MDGA1: variants seen among roughly 807,000 people sequenced by gnomAD.
MDGA1 encodes the protein MAM domain-containing glycosylphosphatidylinositol anchor protein 1.
A neutral mutation model predicts 101.5 loss-of-function variants in MDGA1; 54 were observed. That is an observed-to-expected ratio of 0.53 (90% confidence interval 0.43 to 0.67). The LOEUF is 0.67. MDGA1 is among the 30% of genes least tolerant of loss of function. The probability of loss-of-function intolerance (pLI) is 0.00; values close to 1 mark genes in which losing one functional copy is unlikely to be tolerated. For synonymous variants in MDGA1, 533 were observed against 558.3 expected, an observed-to-expected ratio of 0.95 and a Z score of 0.64; for missense variants, 1,083 against 1,323.8, an observed-to-expected ratio of 0.82 and a Z score of 2.82.
chr6:37,651,618 TAC>T (rs753554223), intron 7 of MDGA1, among the ~76,000 whole-genome samples: 1 of 151,250 alleles, frequency 6.6e-6, no homozygotes, highest in Admixed American at 6.6e-5. Flanking sequence ...GCTCTAGTTC[TAC>T]TAAGACATTC....
intron 1 of MDGA1, among the ~76,000 whole-genome samples, chr6:37,687,861 A>C (rs1762228677): frequency 6.6e-6 from 1 of 152,176 alleles, no homozygotes; most frequent in Non-Finnish European, 1.5e-5. Flanking sequence ...AAAATCAAAG[A>C]AAACTGTGTT....
intron 1 of MDGA1, among the ~76,000 whole-genome samples, chr6:37,688,360 A>G (rs919722988): frequency 3.9e-5 from 6 of 152,132 alleles, no homozygotes; most frequent in Admixed American, 3.9e-4. Flanking sequence ...GCTGAGAACC[A>G]CTTTTCTACA....
intron 1 of MDGA1, among the ~76,000 whole-genome samples, chr6:37,688,906 C>T (rs1007323109): frequency 6.6e-5 from 10 of 152,328 alleles, no homozygotes; most frequent in Admixed American, 3.3e-4. Context: ...TACTTGAAGC[C>T]CTCATTTTGC....
intron 1 of MDGA1, among the ~76,000 whole-genome samples, chr6:37,680,777 G>C (rs890471098): frequency 1.3e-5 from 2 of 152,260 alleles, no homozygotes; most frequent in African/African-American, 4.8e-5. Flanking sequence ...TGGGGCCACT[G>C]TCTCCATGCA....
chr6:37,688,717 C>T (rs1762248989), intron 1 of MDGA1, among the ~76,000 whole-genome samples: 1 of 152,238 alleles, frequency 6.6e-6, no homozygotes. Flanking sequence ...CCCCATAGTT[C>T]ACCTTCGAGT....
chr6:37,657,443 C>T (rs1351347701), intron 3 of MDGA1, among the ~76,000 whole-genome samples: 1 of 152,202 alleles, frequency 6.6e-6, no homozygotes, highest in Non-Finnish European at 1.5e-5. Context: ...CCAGGCTATG[C>T]CTGCCAGCCT....
At chr6:37,672,159 A>AT (rs376814710) in intron 1 of MDGA1, among the ~76,000 whole-genome samples, 1 of 151,536 alleles carries the variant, frequency 6.6e-6, no homozygotes, top group Non-Finnish European at 1.5e-5. Flanking sequence ...AAAAAAAAAA[A>AT]GTTCCTTCAG....
chr6:37,668,249 T>TAAAAA (rs59059592), intron 1 of MDGA1, among the ~76,000 whole-genome samples: 1 of 129,100 alleles, frequency 7.7e-6, no homozygotes. Context: ...AGATTCTGTC[T>TAAAAA]AAAAAAAAAA....
chr6:37,673,108 G>A (rs1340681566), intron 1 of MDGA1, among the ~76,000 whole-genome samples: 4 of 152,170 alleles, frequency 2.6e-5, no homozygotes, highest in African/African-American at 9.7e-5. Flanking sequence ...GAGGTTCAGC[G>A]AGGTTATATA....
chr6:37,672,052 A>G (rs1235875146), intron 1 of MDGA1, among the ~76,000 whole-genome samples: 1 of 151,780 alleles, frequency 6.6e-6, no homozygotes, highest in Non-Finnish European at 1.5e-5. Flanking sequence ...GAGGTGGGAG[A>G]ATGGCTTGAG....
Position 37,649,179 on chromosome 6 carries a change from C to T in MDGA1, c.1697G>A (p.Ser566Asn). The change falls in exon 9 of 17, where the codon AGC becomes AAC. Residue 566 changes from serine to asparagine, a missense_variant. Physicochemically the swap from Ser to Asn is conservative, Grantham distance 46. This residue lies in a region of MDGA1 where 657 missense variants were observed against 771.4 expected (regional missense o/e 0.85). Transcript: ENST00000434837. ...VLLRCSLLRG[S>N]PQRIASAVWR... ...CACAGCCGAGGCGATGCGCTGGGGG[C>T]TGCCTCGCAGCAGCGAGCAGCGCAG... The T allele has an allele frequency of 4.0e-6, 6 of 1,498,120 alleles. No individual in the cohort carries two copies. The highest frequency in any genetic ancestry group is 5.3e-6 in the Non-Finnish European group (6 of 1,132,150). The allele number at this position is 1,498,120 out of a possible 1,614,324, so 92.8% of individuals were successfully genotyped here. A position where few individuals can be genotyped will look rare whatever the true frequency, so the allele number is the denominator to read the frequency against.
At chr6:37,660,826 G>A (rs1466390216) in intron 2 of MDGA1, among the ~76,000 whole-genome samples, 2 of 152,084 alleles carry the variant, frequency 1.3e-5, no homozygotes, top group African/African-American at 4.8e-5. Flanking sequence ...TGTACTCAGT[G>A]GGATTATCTT....
chr6:37,669,341 T>C (rs970132231), intron 1 of MDGA1, among the ~76,000 whole-genome samples: 2 of 152,208 alleles, frequency 1.3e-5, no homozygotes, highest in African/African-American at 4.8e-5. Flanking sequence ...CCTGGGATGA[T>C]ATTAACCATT....
chr6:37,642,948 G>A (rs932663617), intron 14 of MDGA1, among the ~76,000 whole-genome samples: 4 of 152,226 alleles, frequency 2.6e-5, no homozygotes, highest in African/African-American at 9.6e-5. Context: ...CAGTACCATT[G>A]CCTGCCAAAG....
intron 1 of MDGA1, among the ~76,000 whole-genome samples, chr6:37,678,846 G>A (rs1295633622): frequency 4.7e-5 from 7 of 149,852 alleles, no homozygotes; most frequent in East Asian, 2.0e-4. Context: ...ATGCATGTTC[G>A]TAACACTCAT....
chr6:37,642,325 G>A (rs911508709), intron 14 of MDGA1, among the ~76,000 whole-genome samples: 1 of 151,670 alleles, frequency 6.6e-6, no homozygotes, highest in African/African-American at 2.4e-5. Context: ...CTGCCATCAC[G>A]TGAGCCTGGC....
At position 37,638,677 on chromosome 6, in the gene MDGA1, G is replaced by A. The variant is rs375312380; in HGVS notation, c.2537-10C>T. On this transcript the variant is annotated splice_polypyrimidine_tract_variant and intron_variant, in intron 14 of 16. Transcript: ENST00000434837. This position sits in a 1 kb window ranked among gnomAD's most constrained non-coding sequence, Gnocchi z 4.8. ...AGGAGGTTGAGGGAGCCTGCGGTGG[G>A]TGTGAAGACAGTGGGCAGTGAGATC... 1,200 of 1,609,580 alleles carry A rather than the reference G, an allele frequency of 7.5e-4. 1 individual carries two copies. Among genetic ancestry groups the A allele is most frequent in the Non-Finnish European group, 9.0e-4 (1,059 of 1,177,944 alleles).
In MDGA1 at chr6:37,644,069, A is replaced by G. The variant is rs867145846; in HGVS notation, c.2402-126T>C. ...TGCCTCGCCCCACGCATCCTGCCTC[A>G]CCCCACGCATCCTGCCTCACCCCAC... On this transcript the variant is annotated intron_variant, in intron 13 of 16. Transcript: ENST00000434837. 3.9e-5 allele frequency: 39 copies of G among 998,562 alleles called. No individual in the cohort carries two copies. In the South Asian group the frequency reaches 4.1e-4, roughly 11 times the overall value. The allele number at this position is 998,562 out of a possible 1,614,324, so 61.9% of individuals were successfully genotyped here. A position where few individuals can be genotyped will look rare whatever the true frequency, so the allele number is the denominator to read the frequency against.
At chr6:37,643,665 T>C (rs1465807046) in intron 14 of MDGA1, 144 bp downstream of exon 14, 5 of 1,154,640 alleles carry the variant, frequency 4.3e-6, no homozygotes, top group Non-Finnish European at 6.1e-6. Flanking sequence ...CAATTCTCTG[T>C]GCAGACCCGT....
Sources: allele counts gnomAD v4.1 joint callset (sites outside exome capture counted in the v4.1 genomes callset), GRCh38; gene constraint gnomAD v4.1.1; regional missense constraint gnomAD v4.1.1; non-coding constraint Gnocchi (gnomAD v3.1); transcripts MANE v1.5; gene names NCBI Gene and HGNC (gene_info 2026-07-23, HGNC 2026-07-21).